FERMT2: variants seen among roughly 807,000 people sequenced by gnomAD.
The protein encoded by FERMT2 is FERM domain containing kindlin 2.
FERMT2 carries 15 observed loss-of-function variants against 82.7 expected under a neutral mutation model. The ratio of observed to expected loss-of-function variants is 0.18; its 90% CI spans 0.12 to 0.28. The LOEUF (loss-of-function observed/expected upper bound fraction) is 0.28, where lower values mean the gene tolerates loss of function less well. Among genes scored for constraint, FERMT2 ranks in the 10% least tolerant of loss-of-function variants. The pLI is 1.00. For synonymous variants in FERMT2, 274 were observed against 271.5 expected (o/e 1.01, Z -0.09); for missense variants, 645 against 809.4 (o/e 0.80, Z 2.46).
intron 14 of FERMT2, chr14:52,859,263 A>G (rs769011351): frequency 1.0e-4 from 24 of 231,058 alleles, no homozygotes; most frequent in Middle Eastern, 1.4e-3. Context: ...TAAGCCTCTA[A>G]GTATCATGTC....
chr14:52,861,195 G>GTA (rs1334547931), intron 12 of FERMT2: 1 of 575,174 alleles, frequency 1.7e-6, no homozygotes, highest in Non-Finnish European at 3.1e-6. Flanking sequence ...ACCAAGCAAA[G>GTA]TAAATGCAAG....
chr14:52,859,536 G>C (rs755459645), intron 14 of FERMT2, 37 bp downstream of exon 14: 4 of 1,538,170 alleles, frequency 2.6e-6, no homozygotes, highest in Non-Finnish European at 3.5e-6. Context: ...TTGTATCAGA[G>C]AAGGACTATA....
At chr14:52,939,567 A>T (rs1201487230) in intron 2 of FERMT2, among the ~76,000 whole-genome samples, 1 of 152,144 alleles carries the variant, frequency 6.6e-6, no homozygotes, top group Non-Finnish European at 1.5e-5. Flanking sequence ...ATTAACTAAC[A>T]TAATCCTTAT....
intron 2 of FERMT2, among the ~76,000 whole-genome samples, chr14:52,946,433 G>C (rs1031198723): frequency 1.1e-4 from 16 of 150,912 alleles, no homozygotes; most frequent in African/African-American, 3.6e-4. Flanking sequence ...TGGAAGGACT[G>C]CTTGAGGCCA....
intron 12 of FERMT2, among the ~76,000 whole-genome samples, chr14:52,863,951 G>A (rs1885108285): frequency 6.6e-6 from 1 of 152,044 alleles, no homozygotes; most frequent in South Asian, 2.1e-4. Flanking sequence ...TTTGTTTAGA[G>A]TAAGTTCTCA....
rs200747260 is a variant in FERMT2, at chr14:52,942,306, CT to C, written c.157+8105del. ...CCTGTGAGAAAATGTTTTTCTTTTT[CT>C]TTTTTTTTTTTTTGAGATGGAGTCT... is the stretch of plus-strand genomic sequence containing the variant. On this transcript the variant is annotated intron_variant, in intron 2 of 14. Transcript: ENST00000341590. Among the ~76,000 whole-genome samples, 809 of 138,726 alleles carry C rather than the reference CT, an allele frequency of 5.8e-3. 10 individuals carry two copies. The highest frequency in any genetic ancestry group is 0.018 in the African/African-American group (693 of 37,746). 91.0% of individuals were successfully genotyped at this position (138,726 alleles called of 152,430 possible). A position where few individuals can be genotyped will look rare whatever the true frequency, so the allele number is the denominator to read the frequency against.
intron 2 of FERMT2, among the ~76,000 whole-genome samples, chr14:52,934,424 T>C (rs1174933229): frequency 6.6e-6 from 1 of 152,212 alleles, no homozygotes; most frequent in African/African-American, 2.4e-5. Context: ...CTTCTAATCA[T>C]ATAATTTATG....
At chr14:52,915,821 G>C (rs1211431754) in intron 3 of FERMT2, among the ~76,000 whole-genome samples, 3 of 152,116 alleles carry the variant, frequency 2.0e-5, no homozygotes, top group East Asian at 3.8e-4. Flanking sequence ...GTTTATAATA[G>C]ACCAGGAGAA....
chr14:52,894,770 C>T (rs1887156066), intron 3 of FERMT2, among the ~76,000 whole-genome samples: 1 of 151,792 alleles, frequency 6.6e-6, no homozygotes. Flanking sequence ...TAAATGACCA[C>T]TGATCTAAAT....
chr14:52,905,637 G>A (rs1380360949), intron 3 of FERMT2, among the ~76,000 whole-genome samples: 1 of 152,136 alleles, frequency 6.6e-6, no homozygotes, highest in African/African-American at 2.4e-5. Context: ...GATGAGATGT[G>A]TAGGTGAGGA....
At chr14:52,925,776 C>T (rs1355523223) in intron 2 of FERMT2, among the ~76,000 whole-genome samples, 1 of 151,924 alleles carries the variant, frequency 6.6e-6, no homozygotes, top group Non-Finnish European at 1.5e-5. Context: ...GTAGCTGGGA[C>T]TACAGACAGG....
At chr14:52,922,482 TAA>T (rs11347471) in intron 2 of FERMT2, among the ~76,000 whole-genome samples, 2,981 of 149,402 alleles carry the variant, frequency 0.02, 78 homozygotes, top group African/African-American at 0.061. Context: ...TTTATTAAAT[TAA>T]AAAAAAAAAA....
At chr14:52,905,098 A>T (rs1272426883) in intron 3 of FERMT2, among the ~76,000 whole-genome samples, 1 of 151,580 alleles carries the variant, frequency 6.6e-6, no homozygotes, top group Non-Finnish European at 1.5e-5. Context: ...CTGAGGCAGG[A>T]GAATCGCTTG....
chr14:52,906,182 G>A (rs928134202), intron 3 of FERMT2, among the ~76,000 whole-genome samples: 1 of 152,146 alleles, frequency 6.6e-6, no homozygotes, highest in Middle Eastern at 3.2e-3. Context: ...AGAATGTGTG[G>A]GGCAGGGGAC....
chr14:52,893,227 C>T (rs1233370455), intron 4 of FERMT2, 66 bp downstream of exon 4: 4 of 1,408,578 alleles, frequency 2.8e-6, no homozygotes, highest in Non-Finnish European at 2.8e-6. Flanking sequence ...TTACCCACCA[C>T]CAGAAAGACA....
chr14:52,868,728 C>T (rs1487289488), intron 10 of FERMT2, among the ~76,000 whole-genome samples: 3 of 152,168 alleles, frequency 2.0e-5, no homozygotes, highest in African/African-American at 7.2e-5. Flanking sequence ...TGTGCACCTG[C>T]AGTGTCAGCT....
intron 7 of FERMT2, among the ~76,000 whole-genome samples, chr14:52,877,122 T>G (rs753248713): frequency 6.6e-6 from 1 of 152,142 alleles, no homozygotes; most frequent in African/African-American, 2.4e-5. Context: ...ACAAACACGT[T>G]TTGAGCACCT....
chr14:52,858,439 T>C lies in FERMT2; in HGVS notation c.1981A>G (p.Lys661Glu), dbSNP rs747415162. ...GGYIFLSTRA[K>E]DQNESLDEEM... Reference sequence around the variant, plus strand: ...TCATCTAAACTCTCGTTTTGGTCTTTTGCACGTGTTGAGAGAAATATGTAG... The same window carrying C: ...TCATCTAAACTCTCGTTTTGGTCTTCTGCACGTGTTGAGAGAAATATGTAG... The change falls in exon 15 of 15, where the codon AAA becomes GAA. Residue 661 changes from lysine to glutamate, a missense_variant. Transcript: ENST00000341590. The C allele has an allele frequency of 1.9e-6, 3 of 1,614,194 alleles. No homozygotes were observed. Among genetic ancestry groups the C allele is most frequent in the East Asian group, 2.2e-5 (1 of 44,886 alleles).
intron 10 of FERMT2, among the ~76,000 whole-genome samples, chr14:52,867,679 A>G (rs536390006): frequency 1.3e-5 from 2 of 152,160 alleles, no homozygotes; most frequent in African/African-American, 4.8e-5. Context: ...TCTACAGGCT[A>G]GCTCCAAATA....
Sources: allele counts gnomAD v4.1 joint callset (sites outside exome capture counted in the v4.1 genomes callset), GRCh38; gene constraint gnomAD v4.1.1; transcripts MANE v1.5; gene names NCBI Gene and HGNC (gene_info 2026-07-23, HGNC 2026-07-21).